The following SDE2 variants were observed in gnomAD, a reference collection of about 807,000 sequenced individuals.
SDE2 encodes the protein splicing regulator SDE2.
In SDE2, 31 loss-of-function variants were observed where a neutral mutation model predicts 46.9. That is an observed-to-expected ratio of 0.66 (90% CI 0.50 to 0.89). SDE2 has a LOEUF of 0.89. Ranked by LOEUF, SDE2 falls within the 40% of genes least tolerant of loss-of-function variation. SDE2 has a pLI of 0.00. For missense variants in SDE2, 542 were observed against 564.4 expected, an observed-to-expected ratio of 0.96 and a Z score of 0.40; for synonymous variants, 205 against 204.3, an observed-to-expected ratio of 1.00 and a Z score of -0.03.
At chr1:225,999,058 C>T in intron 1 of SDE2, 135 bp downstream of exon 1, 2 of 695,762 alleles carry the variant, frequency 2.9e-6, no homozygotes, top group African/African-American at 1.8e-5. Context: ...CACCTTAACA[C>T]TGAGGAACTC....
intron 6 of SDE2, among the ~76,000 whole-genome samples, chr1:225,987,169 G>A (rs564436787): frequency 4.6e-5 from 7 of 152,276 alleles, no homozygotes; most frequent in Non-Finnish European, 1.0e-4. Context: ...TCAACCTCCT[G>A]AGTAGCTGGG....
intron 3 of SDE2, 91 bp downstream of exon 3, chr1:225,992,800 C>T: frequency 2.7e-6 from 2 of 736,944 alleles, no homozygotes; most frequent in Non-Finnish European, 4.6e-6. Context: ...TTTAAGTTTC[C>T]ATTTCCAATA....
intron 3 of SDE2, 39 bp from the exon 4 acceptor site, chr1:225,992,606 T>C (rs1656427754): frequency 7.8e-7 from 1 of 1,274,994 alleles, no homozygotes; most frequent in South Asian, 1.2e-5. Context: ...TGAATAGATA[T>C]ATTACATATA....
chr1:225,985,573 T>C, intron 6 of SDE2, 50 bp from the exon 7 acceptor site: 1 of 1,170,972 alleles, frequency 8.5e-7, no homozygotes, highest in Non-Finnish European at 1.3e-6. Flanking sequence ...TTCCTCTGAA[T>C]AAAGACTCTT....
chr1:225,999,133 C>T, intron 1 of SDE2, 60 bp downstream of exon 1: 2 of 1,441,038 alleles, frequency 1.4e-6, no homozygotes, highest in Non-Finnish European at 1.9e-6. Flanking sequence ...ACCTACTCCG[C>T]ACCCAGCGCT....
chr1:225,985,597 C>T (rs1001183427), intron 6 of SDE2, 74 bp from the exon 7 acceptor site: 3 of 930,292 alleles, frequency 3.2e-6, no homozygotes, highest in African/African-American at 3.4e-5. Flanking sequence ...CTGTCAACTA[C>T]ATTTCTTGAG....
chr1:225,985,427 G>A lies in SDE2; in HGVS notation c.1231C>T (p.Leu411Phe). 2 of 1,614,100 alleles carry A rather than the reference G, an allele frequency of 1.2e-6. No homozygotes were observed. The highest frequency in any genetic ancestry group is 1.7e-6 in the Non-Finnish European group (2 of 1,179,988). ...LEKLKCELMA[L>F]GLKCGGTLQE... Reference sequence around the variant, plus strand: ...AGAGTGCCCCCACATTTCAGTCCAAGGGCCATCAGTTCACATTTGAGCTTC... The same window carrying A: ...AGAGTGCCCCCACATTTCAGTCCAAAGGCCATCAGTTCACATTTGAGCTTC... Residue 411 changes from leucine to phenylalanine, a missense_variant, in exon 7 of 7, where the codon CTT becomes TTT. Around this residue, in one of 3 missense-constraint regions of SDE2, gnomAD observed 401 missense variants for 437.8 expected, o/e 0.92. Transcript: ENST00000272091.
intron 5 of SDE2, among the ~76,000 whole-genome samples, chr1:225,989,860 G>A (rs917826278): frequency 1.3e-5 from 2 of 151,984 alleles, no homozygotes; most frequent in African/African-American, 4.8e-5. Context: ...AGGATCACCT[G>A]CTCAGGAGTT....
chr1:225,991,220 G>A (rs770309156), intron 5 of SDE2, 23 bp downstream of exon 5: 1 of 1,608,454 alleles, frequency 6.2e-7, no homozygotes, highest in South Asian at 1.1e-5. Context: ...AAGATCAATT[G>A]GGAACGAAAG....
At chr1:225,993,268 G>A (rs1027224088) in intron 2 of SDE2, among the ~76,000 whole-genome samples, 1 of 152,074 alleles carries the variant, frequency 6.6e-6, no homozygotes, top group African/African-American at 2.4e-5. Flanking sequence ...TTATCCTTGT[G>A]TTAGTTATTT....
At chr1:225,999,008 C>A (rs1205252219) in intron 1 of SDE2, among the ~76,000 whole-genome samples, 185 bp downstream of exon 1, 1 of 152,070 alleles carries the variant, frequency 6.6e-6, no homozygotes, top group Non-Finnish European at 1.5e-5. Flanking sequence ...ACCACCACCA[C>A]AAAAGAAAAG....
At chr1:225,990,062 G>A (rs1341745967) in intron 5 of SDE2, among the ~76,000 whole-genome samples, 1 of 148,620 alleles carries the variant, frequency 6.7e-6, no homozygotes, top group Non-Finnish European at 1.5e-5. Flanking sequence ...GCAACAGAGT[G>A]AGGAACCTGT....
At chr1:225,994,463 AT>A (rs1268117555) in intron 2 of SDE2, among the ~76,000 whole-genome samples, 3 of 152,238 alleles carry the variant, frequency 2.0e-5, no homozygotes, top group African/African-American at 7.2e-5. Context: ...ATCACTGTAG[AT>A]TTTGAGAAAG....
At position 225,999,203 on chromosome 1, in the gene SDE2, C is replaced by A. The variant is rs369402843; in HGVS notation, c.110G>T (p.Cys37Phe). 50 of 1,612,224 alleles carry A rather than the reference C, an allele frequency of 3.1e-5. 1 individual carries two copies. The highest frequency in any genetic ancestry group is 2.9e-4 in the East Asian group (13 of 44,806). The change falls in exon 1 of 7, where the codon TGC (cysteine) becomes TTC (phenylalanine). Residue 37 changes from cysteine (C) to phenylalanine (F), a missense_variant. Around this residue, in one of 3 missense-constraint regions of SDE2, gnomAD observed 135 missense variants for 106.5 expected, o/e 1.27. Coordinates refer to ENST00000272091, the MANE Select transcript of SDE2 (RefSeq NM_152608.4). ...CTVRDFIHRH[C>F]QDQNVPVENF... is the part of the protein sequence containing the mutation. ...AACCGAAATCCTCACCTGATCTTGG[C>A]AGTGCCGGTGGATAAAATCCCGGAC...
At chr1:225,992,048 G>A (rs746230563) in intron 4 of SDE2, among the ~76,000 whole-genome samples, 52 of 152,036 alleles carry the variant, frequency 3.4e-4, no homozygotes, top group Non-Finnish European at 7.2e-4. Flanking sequence ...GCGTGGTGGC[G>A]TGTGCCTGTA....
In SDE2 at chr1:225,991,489, C is replaced by T. The variant is rs114090770; in HGVS notation, c.521-126G>A. The T allele has an allele frequency of 6.4e-3, 4,069 of 638,162 alleles. 22 individuals carry two copies. The highest frequency in any genetic ancestry group is 8.8e-3 in the Non-Finnish European group (3,314 of 376,092). The allele number at this position is 638,162 out of a possible 1,614,324, so 39.5% of individuals were successfully genotyped here. On this transcript the variant is annotated intron_variant, in intron 4 of 6. Transcript: ENST00000272091. ...AGATTTAAATTTCTTAAGATACCAA[C>T]ATTTTATACAGTTAATCTCAAATTT...
At position 225,992,617 on chromosome 1, in the gene SDE2, C is replaced by CT. The variant is rs1490816449; in HGVS notation, c.351-51_351-50insA. On this transcript the variant is annotated intron_variant, in intron 3 of 6. Transcript: ENST00000272091. ...TAACTGAATAGATATATTACATATACACTTTTATATATAAAATGTCTCTGA... is the reference window on the plus strand; with the variant it reads ...TAACTGAATAGATATATTACATATACTACTTTTATATATAAAATGTCTCTGA... The CT allele has an allele frequency of 6.0e-6, 7 of 1,160,030 alleles. No individual in the cohort carries two copies. The Admixed American group carries it at 1.3e-4, about 22-fold the overall frequency. 71.9% of individuals were successfully genotyped at this position (1,160,030 alleles called of 1,614,324 possible).
At chr1:225,994,758 T>G (rs1279346413) in intron 2 of SDE2, among the ~76,000 whole-genome samples, 8 of 152,144 alleles carry the variant, frequency 5.3e-5, no homozygotes, top group Non-Finnish European at 1.2e-4. Context: ...TCCCCCAAAG[T>G]TTTAGAGCCT....
At chr1:225,993,310 T>C (rs566737626) in intron 2 of SDE2, among the ~76,000 whole-genome samples, 1 of 152,222 alleles carries the variant, frequency 6.6e-6, no homozygotes, top group Admixed American at 6.5e-5. Context: ...ACAGCTAGAA[T>C]ATTTAAAAAG....
Sources: allele counts gnomAD v4.1 joint callset (sites outside exome capture counted in the v4.1 genomes callset), GRCh38; gene constraint gnomAD v4.1.1; regional missense constraint gnomAD v4.1.1; transcripts MANE v1.5; gene names NCBI Gene and HGNC (gene_info 2026-07-23, HGNC 2026-07-21).